Variants in MAPK8 observed in about 807,000 individuals in gnomAD.
The protein encoded by MAPK8 is mitogen-activated protein kinase 8, also known as JUN N-terminal kinase.
In MAPK8, 13 loss-of-function variants were observed where a neutral mutation model predicts 52.9. That is an observed-to-expected ratio of 0.25 (90% CI 0.16 to 0.39). The LOEUF is 0.39. MAPK8 is among the 10% of genes least tolerant of loss of function. MAPK8 has a pLI of 1.00. For missense variants in MAPK8, 300 were observed against 519.2 expected (o/e 0.58, Z 4.10); for synonymous variants, 191 against 169.8 (o/e 1.12, Z -0.97).
chr10:48,377,689 TG>T (rs2040755337), intron 1 of MAPK8, among the ~76,000 whole-genome samples: 1 of 152,186 alleles, frequency 6.6e-6, no homozygotes, highest in East Asian at 1.9e-4. Flanking sequence ...AAAAGGAACC[TG>T]GGTCCTTGGA....
intron 1 of MAPK8, among the ~76,000 whole-genome samples, chr10:48,393,967 G>A (rs1294925503): frequency 1.3e-5 from 2 of 151,790 alleles, no homozygotes; most frequent in Non-Finnish European, 3.0e-5. Flanking sequence ...ACACAAATGA[G>A]ATTAATAGGA....
intron 5 of MAPK8, among the ~76,000 whole-genome samples, chr10:48,417,050 C>T (rs2043105149): frequency 6.6e-6 from 1 of 152,134 alleles, no homozygotes; most frequent in Non-Finnish European, 1.5e-5. Context: ...TGTTTAGTAG[C>T]ATTCCTGGCC....
chr10:48,336,093 C>T (rs577690611), intron 1 of MAPK8, among the ~76,000 whole-genome samples: 22 of 151,992 alleles, frequency 1.4e-4, no homozygotes, highest in Admixed American at 2.6e-4. Flanking sequence ...AGGTATTTGA[C>T]GGTCAAGATT....
chr10:48,383,537 CTG>C (rs1564560817), intron 1 of MAPK8, among the ~76,000 whole-genome samples: 1 of 152,120 alleles, frequency 6.6e-6, no homozygotes, highest in African/African-American at 2.4e-5. Flanking sequence ...AATTTTAACT[CTG>C]TTTTAGATCT....
intron 1 of MAPK8, among the ~76,000 whole-genome samples, chr10:48,360,544 T>C (rs1477810323): frequency 6.6e-6 from 1 of 152,112 alleles, no homozygotes; most frequent in Non-Finnish European, 1.5e-5. Flanking sequence ...TAGCCTAAAA[T>C]TGGAAACAGC....
At chr10:48,409,268 T>C (rs2042624160) in intron 3 of MAPK8, among the ~76,000 whole-genome samples, 1 of 152,116 alleles carries the variant, frequency 6.6e-6, no homozygotes, top group African/African-American at 2.4e-5. Context: ...GTGCATATAC[T>C]GAAAAAGGAG....
In MAPK8 at chr10:48,437,767, G is replaced by C. The variant is rs1429346998; in HGVS notation, c.*2738G>C. The C allele has an allele frequency of 3.3e-5, 5 of 152,220 alleles. No individual in the cohort carries two copies. Among genetic ancestry groups the C allele is most frequent in the African/African-American group, 1.2e-4 (5 of 41,454 alleles). The allele number at this position is 152,220 out of a possible 1,614,324, so 9.4% of individuals were successfully genotyped here. On this transcript the variant is annotated 3_prime_UTR_variant, in exon 12 of 12. Transcript: ENST00000374189. ...GTAAAGGCACAGTGTGTTCATGCCA[G>C]ACTTCTAAGAGAAACACCAGCCTCT...
Position 48,414,307 on chromosome 10 carries a change from A to G in MAPK8, c.450+4139A>G, listed in dbSNP as rs114019970. Among the ~76,000 whole-genome samples the G allele has an allele frequency of 3.3e-3, 496 of 152,248 alleles. 4 individuals carry two copies. Among genetic ancestry groups the G allele is most frequent in the African/African-American group, 0.011 (462 of 41,548 alleles). ...GTATAGATATATTGTTTATCCATTT[A>G]TCACTTGATTATAATTTGGGTTGTT... is the stretch of plus-strand genomic sequence containing the variant. On this transcript the variant is annotated intron_variant, in intron 5 of 11. Coordinates refer to ENST00000374189, the MANE Select transcript of MAPK8 (RefSeq NM_001323329.2).
intron 1 of MAPK8, among the ~76,000 whole-genome samples, chr10:48,393,748 A>G (rs954435151): frequency 2.0e-5 from 3 of 152,128 alleles, no homozygotes; most frequent in African/African-American, 4.8e-5. Flanking sequence ...GCAGTTCTCA[A>G]ATCAGTACTT....
At chr10:48,405,028 T>C (rs753573017) in intron 3 of MAPK8, 47 bp downstream of exon 3, 1 of 1,323,510 alleles carries the variant, frequency 7.6e-7, no homozygotes, top group East Asian at 2.4e-5. Flanking sequence ...AATCAAGATT[T>C]ATTCATGAAT....
rs146064175 is a variant in MAPK8, at chr10:48,386,943, A to G, written c.-49-14669A>G. Among the ~76,000 whole-genome samples, 343 of 152,358 alleles carry G rather than the reference A, an allele frequency of 2.3e-3. 3 individuals carry two copies. Among genetic ancestry groups the G allele is most frequent in the African/African-American group, 7.7e-3 (320 of 41,584 alleles). ...AGTTCTGAATTAGCTTACTGATTTCATGTGTCTGGCGCTATTTAGCTAAAT... is the reference window on the plus strand; with the variant it reads ...AGTTCTGAATTAGCTTACTGATTTCGTGTGTCTGGCGCTATTTAGCTAAAT... On this transcript the variant is annotated intron_variant, in intron 1 of 11. Coordinates refer to ENST00000374189, the MANE Select transcript of MAPK8 (RefSeq NM_001323329.2).
chr10:48,375,477 A>G (rs1233279682), intron 1 of MAPK8, among the ~76,000 whole-genome samples: 1 of 111,658 alleles, frequency 9.0e-6, no homozygotes, highest in East Asian at 2.7e-4. Flanking sequence ...ACATGATTGT[A>G]TATTTAAAAA....
At chr10:48,390,342 C>A (rs557599076) in intron 1 of MAPK8, among the ~76,000 whole-genome samples, 1 of 152,086 alleles carries the variant, frequency 6.6e-6, no homozygotes, top group East Asian at 1.9e-4. Flanking sequence ...TATATGGGCA[C>A]CCTGTGTCCT....
At chr10:48,425,672 T>C (rs542692755) in intron 7 of MAPK8, 5 of 406,070 alleles carry the variant, frequency 1.2e-5, no homozygotes, top group African/African-American at 8.1e-5. Context: ...ATCAGTTAGT[T>C]TGAACACACA....
intron 1 of MAPK8, among the ~76,000 whole-genome samples, chr10:48,343,920 A>G (rs771300082): frequency 7.2e-5 from 11 of 152,198 alleles, no homozygotes; most frequent in Non-Finnish European, 1.5e-4. Flanking sequence ...GGATATAGCT[A>G]TGGAGAAAGC....
intron 11 of MAPK8, among the ~76,000 whole-genome samples, chr10:48,431,987 T>C (rs573132324): frequency 6.6e-6 from 1 of 152,198 alleles, no homozygotes; most frequent in Non-Finnish European, 1.5e-5. Flanking sequence ...GTTCAGAAAT[T>C]TGAAGTAACA....
rs1038194204 is a variant in MAPK8 at position 48,426,360 on chromosome 10, T to A, written c.872-20T>A. ...AGAATCTTTACAAATATATGTACAT[T>A]AACACCATTATGTTTGCAGCCAGTC... On this transcript the variant is annotated intron_variant, in intron 8 of 11. Coordinates refer to ENST00000374189, the MANE Select transcript of MAPK8 (RefSeq NM_001323329.2). 1 of 1,591,940 alleles carries A rather than the reference T, an allele frequency of 6.3e-7. No individual in the cohort carries two copies. The highest frequency in any genetic ancestry group is 8.5e-7 in the Non-Finnish European group (1 of 1,172,326).
chr10:48,398,578 A>T (rs2042005328), intron 1 of MAPK8, among the ~76,000 whole-genome samples: 1 of 152,246 alleles, frequency 6.6e-6, no homozygotes, highest in Admixed American at 6.5e-5. Context: ...CCACTCCTAG[A>T]TAATTAAACG....
chr10:48,313,684 G>T (rs1036519859), intron 1 of MAPK8, among the ~76,000 whole-genome samples: 1 of 152,170 alleles, frequency 6.6e-6, no homozygotes, highest in African/African-American at 2.4e-5. Context: ...CCTCTGCTCT[G>T]CTCCCTCCCT....
Sources: allele counts gnomAD v4.1 joint callset (sites outside exome capture counted in the v4.1 genomes callset), GRCh38; gene constraint gnomAD v4.1.1; transcripts MANE v1.5; gene names NCBI Gene and HGNC (gene_info 2026-07-23, HGNC 2026-07-21).